Variants in PSEN1 observed in about 807,000 individuals in gnomAD.
The protein encoded by PSEN1 is presenilin-1.
In PSEN1, 15 loss-of-function variants were observed where a neutral mutation model predicts 53.5. That is an observed-to-expected ratio of 0.28 (90% confidence interval 0.19 to 0.43). The LOEUF is 0.43. PSEN1 is among the 20% of genes least tolerant of loss of function. PSEN1 has a pLI of 1.00. For missense variants in PSEN1, 387 were observed against 571.2 expected (o/e 0.68, Z 3.29); for synonymous variants, 208 against 209.8 (o/e 0.99, Z 0.08).
intron 7 of PSEN1, among the ~76,000 whole-genome samples, chr14:73,194,297 G>A (rs1195803878): frequency 6.6e-6 from 1 of 150,594 alleles, no homozygotes; most frequent in Admixed American, 6.6e-5. Flanking sequence ...TGTCATCCAC[G>A]CTAGAGTACA....
intron 5 of PSEN1, among the ~76,000 whole-genome samples, chr14:73,186,140 G>A (rs1392348333): frequency 6.6e-6 from 1 of 152,178 alleles, no homozygotes; most frequent in East Asian, 1.9e-4. Flanking sequence ...AGCACTTTGG[G>A]AGGCCAAGGC....
At chr14:73,142,223 C>T (rs971805926) in intron 1 of PSEN1, among the ~76,000 whole-genome samples, 1 of 152,130 alleles carries the variant, frequency 6.6e-6, no homozygotes, top group South Asian at 2.1e-4. Context: ...AGAAGTTGGG[C>T]CGCCTGTCCA....
intron 7 of PSEN1, among the ~76,000 whole-genome samples, chr14:73,193,958 C>T (rs1898832656): frequency 1.3e-5 from 2 of 152,066 alleles, no homozygotes; most frequent in Non-Finnish European, 2.9e-5. Flanking sequence ...CATCTGGCCT[C>T]AATTCACTTT....
chr14:73,159,721 A>G (rs189488874), intron 3 of PSEN1, among the ~76,000 whole-genome samples: 101 of 152,308 alleles, frequency 6.6e-4, no homozygotes, highest in African/African-American at 2.2e-3. Context: ...CTGAAACTCT[A>G]TACTCATTGG....
chr14:73,176,469 A>T (rs1250358640), intron 5 of PSEN1, among the ~76,000 whole-genome samples: 1 of 152,218 alleles, frequency 6.6e-6, no homozygotes, highest in African/African-American at 2.4e-5. Flanking sequence ...ATTTACATTC[A>T]GATTTCCTGC....
At chr14:73,217,745 G>T (rs1202694881) in intron 11 of PSEN1, among the ~76,000 whole-genome samples, 1 of 151,504 alleles carries the variant, frequency 6.6e-6, no homozygotes, top group Admixed American at 6.6e-5. Flanking sequence ...ACCCCACATA[G>T]ATCTTGCTGA....
chr14:73,189,425 A>G (rs1898633280), intron 6 of PSEN1, among the ~76,000 whole-genome samples: 2 of 151,734 alleles, frequency 1.3e-5, no homozygotes, highest in Non-Finnish European at 2.9e-5. Flanking sequence ...AGCCTGGCCA[A>G]CGTGGTGAAA....
chr14:73,173,828 ATT>A, intron 5 of PSEN1, 121 bp downstream of exon 5: 1 of 1,251,534 alleles, frequency 8.0e-7, no homozygotes. Context: ...AGATAAGTTA[ATT>A]TTTAGTTTTC....
chr14:73,195,002 G>A (rs984641893), intron 7 of PSEN1, among the ~76,000 whole-genome samples: 2 of 152,124 alleles, frequency 1.3e-5, no homozygotes, highest in Admixed American at 1.3e-4. Context: ...TTGTATTTGA[G>A]TAATCAGTTG....
chr14:73,142,142 G>C (rs1262792789), intron 1 of PSEN1, among the ~76,000 whole-genome samples: 1 of 151,988 alleles, frequency 6.6e-6, no homozygotes, highest in East Asian at 1.9e-4. Flanking sequence ...TTTAGAGTTC[G>C]GTTACATTTA....
chr14:73,214,117 A>G (rs774873715), intron 10 of PSEN1, among the ~76,000 whole-genome samples: 1 of 152,238 alleles, frequency 6.6e-6, no homozygotes, highest in Non-Finnish European at 1.5e-5. Context: ...TAAATGTGGT[A>G]TATTCATACA....
intron 9 of PSEN1, among the ~76,000 whole-genome samples, chr14:73,208,223 T>G (rs572329394): frequency 6.6e-5 from 10 of 152,324 alleles, no homozygotes; most frequent in Admixed American, 5.9e-4. Flanking sequence ...GGGGGCACGT[T>G]TCAGCCCTGT....
At chr14:73,181,230 A>G (rs1358312093) in intron 5 of PSEN1, among the ~76,000 whole-genome samples, 1 of 152,124 alleles carries the variant, frequency 6.6e-6, no homozygotes, top group Admixed American at 6.5e-5. Flanking sequence ...ACCTGAGGTC[A>G]GAAGATCGAG....
At chr14:73,157,032 G>C (rs1897377693) in intron 3 of PSEN1, among the ~76,000 whole-genome samples, 1 of 151,848 alleles carries the variant, frequency 6.6e-6, no homozygotes, top group Non-Finnish European at 1.5e-5. Flanking sequence ...TAGCTACCAA[G>C]ATTTTTCCTT....
intron 5 of PSEN1, among the ~76,000 whole-genome samples, chr14:73,175,949 A>G (rs761186483): frequency 5.9e-5 from 9 of 152,214 alleles, no homozygotes; most frequent in Non-Finnish European, 1.3e-4. Context: ...CCAGTGCTGA[A>G]TTTCTTTTTT....
chr14:73,191,124 T>C (rs769331360), intron 6 of PSEN1, among the ~76,000 whole-genome samples: 4 of 152,220 alleles, frequency 2.6e-5, no homozygotes, highest in Non-Finnish European at 5.9e-5. Context: ...TTCTTCATTA[T>C]AAAAATACTT....
At chr14:73,173,464 C>A in intron 4 of PSEN1, 102 bp from the exon 5 acceptor site, 2 of 1,192,220 alleles carry the variant, frequency 1.7e-6, no homozygotes, top group Admixed American at 1.8e-5. Context: ...TTATAAGATA[C>A]GAATTGAATT....
Position 73,220,523 on chromosome 14 carries a change from G to C in PSEN1, c.*1234G>C, listed in dbSNP as rs1462716350. On this transcript the variant is annotated 3_prime_UTR_variant, in exon 12 of 12. Coordinates refer to ENST00000324501, the MANE Select transcript of PSEN1 (RefSeq NM_000021.4). ...GTTGTATCAACACAAAGCAAGAGTT[G>C]GGGAAAGCCATATTTAACTTGGTGA... 3 of 152,226 alleles carry C rather than the reference G, an allele frequency of 2.0e-5. No individual in the cohort carries two copies. The highest frequency in any genetic ancestry group is 2.0e-4 in the Admixed American group (3 of 15,272). The allele number at this position is 152,226 out of a possible 1,614,324, so 9.4% of individuals were successfully genotyped here.
rs1333422442 is a variant in PSEN1, at chr14:73,175,271, C to T, written c.480+1564C>T. Among the ~76,000 whole-genome samples, 12 of 152,166 alleles carry T rather than the reference C, an allele frequency of 7.9e-5. 1 individual carries two copies. The South Asian group carries it at 1.5e-3, about 18-fold the overall frequency. ...CCCCCCGAGTAGCTGGGATTACAGG[C>T]GCCTGCCACCACACCCGGCTAATTT... On this transcript the variant is annotated intron_variant, in intron 5 of 11. Transcript: ENST00000324501.
Sources: allele counts gnomAD v4.1 joint callset (sites outside exome capture counted in the v4.1 genomes callset), GRCh38; gene constraint gnomAD v4.1.1; transcripts MANE v1.5; gene names NCBI Gene and HGNC (gene_info 2026-07-23, HGNC 2026-07-21).